The following DEUP1 variants were observed in gnomAD, a reference collection of about 807,000 sequenced individuals.
DEUP1 encodes the protein deuterosome assembly protein 1, also known as coiled-coil domain containing 67.
In DEUP1, 82 loss-of-function variants were observed where a neutral mutation model predicts 87.4. The observed-to-expected ratio is 0.94, with a 90% CI of 0.78 to 1.13. DEUP1 has a LOEUF of 1.13. Among genes scored for constraint, DEUP1 ranks in the 50% most tolerant of loss-of-function variants. DEUP1 has a pLI of 0.00. For missense variants in DEUP1, 663 were observed against 681.5 expected, an observed-to-expected ratio of 0.97 and a Z score of 0.30; for synonymous variants, 214 against 222.7, an observed-to-expected ratio of 0.96 and a Z score of 0.35.
At chr11:93,347,930 C>T (rs1469767534) in intron 2 of DEUP1, among the ~76,000 whole-genome samples, 1 of 152,004 alleles carries the variant, frequency 6.6e-6, no homozygotes, top group Non-Finnish European at 1.5e-5. Flanking sequence ...TTAGTAGAGA[C>T]AGGGTTTCAC....
intron 13 of DEUP1, among the ~76,000 whole-genome samples, chr11:93,417,250 G>C (rs1479499326): frequency 2.0e-5 from 3 of 149,914 alleles, no homozygotes; most frequent in Non-Finnish European, 4.4e-5. Flanking sequence ...GTCCCTGTTT[G>C]CAGATGACAT....
intron 2 of DEUP1, among the ~76,000 whole-genome samples, chr11:93,340,177 T>C (rs1221679331): frequency 6.6e-6 from 1 of 152,032 alleles, no homozygotes; most frequent in Non-Finnish European, 1.5e-5. Context: ...ATAATCACTA[T>C]GTAGAAAAAG....
chr11:93,428,439 C>T (rs1368629106), intron 13 of DEUP1, among the ~76,000 whole-genome samples: 2 of 130,720 alleles, frequency 1.5e-5, no homozygotes, highest in Non-Finnish European at 3.1e-5. Context: ...ACTCTGGAGA[C>T]TGTTGTGGGG....
At chr11:93,412,825 A>T (rs545335317) in intron 12 of DEUP1, among the ~76,000 whole-genome samples, 2 of 152,132 alleles carry the variant, frequency 1.3e-5, no homozygotes, top group African/African-American at 2.4e-5. Context: ...GAGATGTTTC[A>T]TCTTATGGTG....
intron 11 of DEUP1, among the ~76,000 whole-genome samples, chr11:93,396,619 A>T (rs1946953411): frequency 1.3e-5 from 2 of 152,128 alleles, no homozygotes. Context: ...GAAATCCTAC[A>T]TCCTATGTGG....
At chr11:93,330,223 C>T (rs1032157382), upstream of DEUP1, 3 of 152,222 alleles carry the variant, frequency 2.0e-5, no homozygotes, top group Non-Finnish European at 2.9e-5. Context: ...ATTTCTTTTT[C>T]ATGCCACTTC....
intron 2 of DEUP1, among the ~76,000 whole-genome samples, chr11:93,350,371 T>C (rs1401805939): frequency 6.6e-6 from 1 of 152,174 alleles, no homozygotes; most frequent in Non-Finnish European, 1.5e-5. Context: ...AGTGGAATCA[T>C]TGAGATCAGA....
intron 2 of DEUP1, among the ~76,000 whole-genome samples, chr11:93,337,139 C>A (rs895796612): frequency 2.6e-4 from 39 of 152,238 alleles, no homozygotes; most frequent in African/African-American, 8.9e-4. Flanking sequence ...TTTCAAAGAA[C>A]CAAGGTAGAT....
intron 2 of DEUP1, among the ~76,000 whole-genome samples, chr11:93,340,458 C>G (rs72970894): frequency 1.5e-3 from 233 of 152,256 alleles, no homozygotes; most frequent in Middle Eastern, 0.01. Flanking sequence ...CCTGAAGGGC[C>G]TCACAGACCT....
At chr11:93,389,246 T>C in intron 9 of DEUP1, 121 bp downstream of exon 9, 1 of 655,908 alleles carries the variant, frequency 1.5e-6, no homozygotes, top group Non-Finnish European at 2.7e-6. Flanking sequence ...TTTTGTAAGG[T>C]GATAATCTAC....
At chr11:93,393,523 T>G (rs1010136082) in intron 9 of DEUP1, among the ~76,000 whole-genome samples, 1 of 152,058 alleles carries the variant, frequency 6.6e-6, no homozygotes, top group Non-Finnish European at 1.5e-5. Flanking sequence ...ATCCTTCAGT[T>G]TTGGGTCTGA....
At chr11:93,333,234 A>G (rs929374729) in intron 2 of DEUP1, among the ~76,000 whole-genome samples, 2 of 152,224 alleles carry the variant, frequency 1.3e-5, no homozygotes, top group African/African-American at 4.8e-5. Context: ...ATAAGATTGA[A>G]GATTATGTCT....
intron 7 of DEUP1, among the ~76,000 whole-genome samples, chr11:93,371,989 C>T (rs1488477721): frequency 1.3e-5 from 2 of 148,250 alleles, no homozygotes; most frequent in East Asian, 2.0e-4. Context: ...AGTGCAGTGG[C>T]GGGATCTCGG....
At chr11:93,428,543 T>C (rs983188701) in intron 13 of DEUP1, among the ~76,000 whole-genome samples, 1 of 151,990 alleles carries the variant, frequency 6.6e-6, no homozygotes, top group South Asian at 2.1e-4. Flanking sequence ...CATGTATACA[T>C]ATGTAACAAA....
chr11:93,418,450 A>G (rs981017979), intron 13 of DEUP1, among the ~76,000 whole-genome samples: 2 of 152,236 alleles, frequency 1.3e-5, no homozygotes, highest in Non-Finnish European at 2.9e-5. Flanking sequence ...ATCACTGGCC[A>G]TCAGAGAAAT....
intron 13 of DEUP1, among the ~76,000 whole-genome samples, chr11:93,432,943 C>A (rs1948146595): frequency 6.6e-6 from 1 of 152,042 alleles, no homozygotes; most frequent in East Asian, 1.9e-4. Context: ...TTCTTCAGGG[C>A]TCCATCTTTT....
intron 9 of DEUP1, among the ~76,000 whole-genome samples, chr11:93,392,268 C>A (rs1315431279): frequency 6.6e-6 from 1 of 152,196 alleles, no homozygotes; most frequent in Non-Finnish European, 1.5e-5. Context: ...CAAATGTGAA[C>A]CACCTTCCAC....
At chr11:93,416,238 C>A (rs894738156) in intron 13 of DEUP1, among the ~76,000 whole-genome samples, 3 of 152,110 alleles carry the variant, frequency 2.0e-5, no homozygotes, top group African/African-American at 4.8e-5. Flanking sequence ...TTAATGAATC[C>A]AGGAGCTTGT....
At chr11:93,418,728 C>T (rs868413644) in intron 13 of DEUP1, among the ~76,000 whole-genome samples, 60 of 151,928 alleles carry the variant, frequency 3.9e-4, no homozygotes, top group African/African-American at 1.3e-3. Flanking sequence ...AAGACACATG[C>T]ACACGTATGT....
Sources: gnomAD v4.1 joint callset for allele counts (sites outside exome capture counted in the v4.1 genomes callset) on GRCh38, gnomAD v4.1.1 for gene constraint, MANE v1.5 for transcripts, NCBI Gene and HGNC (gene_info 2026-07-23, HGNC 2026-07-21) for gene names.